Variants in P2RY8 observed in about 807,000 individuals in gnomAD.
The protein encoded by P2RY8 is P2Y receptor family member 8.
Under a neutral mutation model 10.0 loss-of-function variants are expected in P2RY8, and 6 were observed. That is an observed-to-expected ratio of 0.60 (90% confidence interval 0.33 to 1.19). The LOEUF is 1.19. Ranked by LOEUF, P2RY8 falls within the 50% of genes most tolerant of loss-of-function variation. The probability of loss-of-function intolerance (pLI) is 0.04; values close to 1 mark genes in which losing one functional copy is unlikely to be tolerated. For missense variants in P2RY8, 456 were observed against 542.0 expected (o/e 0.84, Z 1.58); for synonymous variants, 276 against 252.5 (o/e 1.09, Z -0.88).
intron 1 of P2RY8, among the ~76,000 whole-genome samples, chrX:1,484,199 GACGGGA>G (rs2149386440): frequency 6.6e-6 from 1 of 152,236 alleles, no homozygotes; most frequent in African/African-American, 2.4e-5. Context: ...AACCCCCAAT[GACGGGA>G]ACCCTCAGCT....
chrX:1,530,504 T>C (rs2092466758), intron 1 of P2RY8, among the ~76,000 whole-genome samples: 1 of 148,798 alleles, frequency 6.7e-6, no homozygotes, highest in Non-Finnish European at 1.5e-5. Context: ...TATGTATGTA[T>C]ATATGTATCT....
Position 1,532,432 on chromosome X carries a change from T to C in P2RY8, c.-25+4489A>G, listed in dbSNP as rs1206106943. Among the ~76,000 whole-genome samples the C allele has an allele frequency of 3.1e-3, 429 of 136,346 alleles. 1 individual carries two copies. Among genetic ancestry groups the C allele is most frequent in the Non-Finnish European group, 4.7e-3 (288 of 61,620 alleles). 89.4% of individuals were successfully genotyped at this position (136,346 alleles called of 152,430 possible). ...TGTATATGATGTGTATATATACACA[T>C]ATATGTATATATGTATATGTGTATA... On this transcript the variant is annotated intron_variant, in intron 1 of 1. Transcript: ENST00000381297.
chrX:1,497,346 G>T (rs1321564529), intron 1 of P2RY8, among the ~76,000 whole-genome samples: 1 of 149,306 alleles, frequency 6.7e-6, no homozygotes, highest in Non-Finnish European at 1.5e-5. Context: ...TCAAGACAAG[G>T]TCTCACTCTG....
At chrX:1,483,901 A>T (rs1232563166) in intron 1 of P2RY8, among the ~76,000 whole-genome samples, 1 of 151,674 alleles carries the variant, frequency 6.6e-6, no homozygotes, top group African/African-American at 2.4e-5. Context: ...GGCTCTCCTA[A>T]ACCCAAACCT....
chrX:1,472,371 G>A (rs1157695937), intron 1 of P2RY8, among the ~76,000 whole-genome samples: 1 of 150,822 alleles, frequency 6.6e-6, no homozygotes, highest in Non-Finnish European at 1.5e-5. Context: ...TAAATGGATG[G>A]ATGGGTGGGT....
At chrX:1,520,473 G>A (rs1474042742) in intron 1 of P2RY8, among the ~76,000 whole-genome samples, 29 of 146,416 alleles carry the variant, frequency 2.0e-4, no homozygotes, top group Non-Finnish European at 3.0e-5. Flanking sequence ...CATCTTCTTA[G>A]CCTCTAATAA....
chrX:1,501,883 A>G (rs1345488162), intron 1 of P2RY8, among the ~76,000 whole-genome samples: 3 of 151,820 alleles, frequency 2.0e-5, no homozygotes, highest in African/African-American at 7.3e-5. Flanking sequence ...ATGAGCCACC[A>G]CGCCCGGCGA....
intron 1 of P2RY8, among the ~76,000 whole-genome samples, chrX:1,480,888 T>C (rs2091926966): frequency 1.3e-5 from 2 of 151,158 alleles, no homozygotes; most frequent in African/African-American, 4.9e-5. Context: ...AAAAAAACTC[T>C]TAAGATTCAA....
intron 1 of P2RY8, among the ~76,000 whole-genome samples, chrX:1,515,660 T>G (rs1258995148): frequency 4.0e-5 from 6 of 151,612 alleles, no homozygotes; most frequent in Non-Finnish European, 8.8e-5. Flanking sequence ...CATCAGCCAC[T>G]GTACCCAGCC....
chrX:1,507,686 G>T lies in P2RY8; in HGVS notation c.-25+29235C>A, dbSNP rs769935544. 1.9e-3 allele frequency among the ~76,000 whole-genome samples: 287 copies of T among 152,214 alleles called. 1 individual carries two copies. The highest frequency in any genetic ancestry group is 6.4e-3 in the African/African-American group (266 of 41,534). On this transcript the variant is annotated intron_variant, in intron 1 of 1. Coordinates refer to ENST00000381297, the MANE Select transcript of P2RY8 (RefSeq NM_178129.5). ...GGCGACGCGCGATTTCCGCCCCCCTGCCTGACTTCCCATGTCTCCCTGCCA... is the reference window on the plus strand; with the variant it reads ...GGCGACGCGCGATTTCCGCCCCCCTTCCTGACTTCCCATGTCTCCCTGCCA...
intron 1 of P2RY8, among the ~76,000 whole-genome samples, chrX:1,471,955 C>T (rs2091792601): frequency 6.6e-6 from 1 of 152,144 alleles, no homozygotes; most frequent in Non-Finnish European, 1.5e-5. Flanking sequence ...GCTCTCCTTT[C>T]TGTTTTCTGG....
At position 1,532,390 on chromosome X, in the gene P2RY8, G is replaced by GATGTGTATATATA. The variant is rs1190656024; in HGVS notation, c.-25+4530_-25+4531insTATATATACACAT. 1.4e-3 allele frequency among the ~76,000 whole-genome samples: 188 copies of GATGTGTATATATA among 137,670 alleles called. 3 individuals are homozygous for GATGTGTATATATA. Among genetic ancestry groups the GATGTGTATATATA allele is most frequent in the Middle Eastern group, 4.0e-3 (1 of 250 alleles). The allele number at this position is 137,670 out of a possible 152,430, so 90.3% of individuals were successfully genotyped here. The stretch of plus-strand genomic sequence containing the variant: ...ATATACGTATATGATGTGTGTATAT[G>GATGTGTATATATA]CACATATATGTATATATGTATATGA... On this transcript the variant is annotated intron_variant, in intron 1 of 1. Transcript: ENST00000381297.
At chrX:1,501,626 C>T (rs1307997485) in intron 1 of P2RY8, among the ~76,000 whole-genome samples, 1 of 151,992 alleles carries the variant, frequency 6.6e-6, no homozygotes, top group African/African-American at 2.4e-5. Context: ...CAAAGTTTCA[C>T]TCTGTTGCCC....
rs1474330423 is a variant in P2RY8, at chrX:1,466,282, C to T, written c.277G>A (p.Val93Met). 2.5e-6 allele frequency: 4 copies of T among 1,613,782 alleles called. No individual in the cohort carries two copies. Among genetic ancestry groups the T allele is most frequent in the Non-Finnish European group, 3.4e-6 (4 of 1,179,856 alleles). Residue 93 changes from valine to methionine, a missense_variant, in exon 2 of 2, where the codon GTG (valine) becomes ATG (methionine). Coordinates refer to ENST00000381297, the MANE Select transcript of P2RY8 (RefSeq NM_178129.5). Reference sequence around the variant, plus strand: ...ACGGTCACCACGTTGCAAAGCAGCACCCCGAATACCCAGTGGTGGCGGTTG... The same window carrying T: ...ACGGTCACCACGTTGCAAAGCAGCATCCCGAATACCCAGTGGTGGCGGTTG... ...HCNRHHWVFG[V>M]LLCNVVTVAF... is the part of the protein sequence containing the mutation.
At chrX:1,518,715 C>A (rs1184422640) in intron 1 of P2RY8, among the ~76,000 whole-genome samples, 1 of 151,834 alleles carries the variant, frequency 6.6e-6, no homozygotes, top group African/African-American at 2.4e-5. Context: ...TTGGTTCTCC[C>A]TGGCCGCCAA....
chrX:1,499,750 A>T (rs1360023550), intron 1 of P2RY8, among the ~76,000 whole-genome samples: 1 of 152,132 alleles, frequency 6.6e-6, no homozygotes, highest in Non-Finnish European at 1.5e-5. Context: ...GATTTCCCCA[A>T]AACAGAGCCG....
At chrX:1,469,810 A>T (rs1358386282) in intron 1 of P2RY8, among the ~76,000 whole-genome samples, 1 of 151,832 alleles carries the variant, frequency 6.6e-6, no homozygotes, top group Non-Finnish European at 1.5e-5. Context: ...GAGGCAGGAG[A>T]ATGGCCTGAA....
intron 1 of P2RY8, among the ~76,000 whole-genome samples, chrX:1,468,322 G>T (rs1400322600): frequency 1.3e-5 from 2 of 152,200 alleles, no homozygotes; most frequent in African/African-American, 4.8e-5. Flanking sequence ...TCCTACGGTG[G>T]CGGCCTCACC....
At chrX:1,506,389 G>A (rs2092233509) in intron 1 of P2RY8, among the ~76,000 whole-genome samples, 2 of 152,162 alleles carry the variant, frequency 1.3e-5, no homozygotes, top group African/African-American at 2.4e-5. Context: ...AGAAGTTTGT[G>A]TCCTTCTAGA....
Sources: allele counts gnomAD v4.1 joint callset (sites outside exome capture counted in the v4.1 genomes callset), GRCh38; gene constraint gnomAD v4.1.1; transcripts MANE v1.5; gene names NCBI Gene and HGNC (gene_info 2026-07-23, HGNC 2026-07-21).